Variants in PLEC observed in about 807,000 individuals in gnomAD.
PLEC encodes hemidesmosomal protein 1.
In PLEC, 216 loss-of-function variants were observed where a neutral mutation model predicts 392.8. The ratio of observed to expected loss-of-function variants is 0.55; its 90% confidence interval spans 0.49 to 0.62. PLEC has a LOEUF of 0.62. Ranked by LOEUF, PLEC falls within the 20% of genes least tolerant of loss-of-function variation. The pLI is 0.00. For missense variants in PLEC, 6,863 were observed against 6,563.4 expected (o/e 1.05, Z -1.58); for synonymous variants, 3,621 against 2,980.6 (o/e 1.21, Z -7.00).
chr8:143,924,095 T>C lies in PLEC; in HGVS notation c.5834A>G (p.Glu1945Gly). Reference sequence around the variant, plus strand: ...GCTGCGGATGCGTCCCAGCTCCAGCTCCAGCTCCGCCTTGCCAGCGGCCGC... The same window carrying C: ...GCTGCGGATGCGTCCCAGCTCCAGCCCCAGCTCCGCCTTGCCAGCGGCCGC... The part of the protein sequence containing the change: ...EKAAAGKAEL[E>G]LELGRIRSNA... Residue 1945 changes from glutamate to glycine, a missense_variant, in exon 31 of 32, where the codon GAG becomes GGG. By Grantham distance (98) the Glu-to-Gly change is moderately conservative (BLOSUM62 -2). Transcript: ENST00000345136. 1 of 1,598,496 alleles carries C rather than the reference T, an allele frequency of 6.3e-7. No individual in the cohort carries two copies.
At position 143,925,125 on chromosome 8, in the gene PLEC, C is replaced by G; in HGVS notation, c.4804G>C (p.Ala1602Pro). Reference sequence around the variant, plus strand: ...GCCTCCTCCCGCAGCTGTGCCACAGCCACGTGTTCCTCCTGCAGGGAGCGC... The same window carrying G: ...GCCTCCTCCCGCAGCTGTGCCACAGGCACGTGTTCCTCCTGCAGGGAGCGC... Reference protein sequence around the residue: ...LERSLQEEHVAVAQLREEAER... With the variant: ...LERSLQEEHVPVAQLREEAER... The change falls in exon 31 of 32, where the codon GCT (alanine) becomes CCT (proline). Residue 1602 changes from alanine (A) to proline (P), a missense_variant. Physicochemically the swap from Ala to Pro is conservative, Grantham distance 27. Coordinates refer to ENST00000345136, the MANE Select transcript of PLEC (RefSeq NM_201384.3). The G allele has an allele frequency of 6.4e-7, 1 of 1,558,208 alleles. No individual in the cohort carries two copies.
At chr8:143,953,448 CCCGCCGCCG>C (rs1174485406), upstream of PLEC, among the ~76,000 whole-genome samples, 71 of 151,078 alleles carry the variant, frequency 4.7e-4, no homozygotes, top group African/African-American at 9.3e-4. Flanking sequence ...CTGTCCCCGC[CCCGCCGCCG>C]CCGCCGCCGC....
In PLEC at chr8:143,973,504, A is replaced by C; in HGVS notation, c.-32T>G. On this transcript the variant is annotated 5_prime_UTR_variant, in exon 1 of 32. Coordinates refer to the PLEC transcript ENST00000356346. The surrounding 1 kb of genome is among the most constrained non-coding windows in gnomAD (Gnocchi z 5.6). Reference sequence around the variant, plus strand: ...GGGCGCGGGGCGCGGGGTGCAGCGGAGCCTCCAGCACCCGGCGGCCACTCT... The same window carrying C: ...GGGCGCGGGGCGCGGGGTGCAGCGGCGCCTCCAGCACCCGGCGGCCACTCT... The C allele has an allele frequency of 6.8e-7, 1 of 1,467,376 alleles. No individual in the cohort carries two copies. Among genetic ancestry groups the C allele is most frequent in the Non-Finnish European group, 9.0e-7 (1 of 1,105,624 alleles). 90.9% of individuals were successfully genotyped at this position (1,467,376 alleles called of 1,614,324 possible).
rs960681181 is a variant in PLEC, at chr8:143,918,625, G to A, written c.11196C>T (p.Phe3732=). 10 of 1,612,836 alleles carry A rather than the reference G, an allele frequency of 6.2e-6. No homozygotes were observed. The highest frequency in any genetic ancestry group is 1.6e-4 in the Middle Eastern group (1 of 6,062). The stretch of plus-strand genomic sequence containing the variant: ...GCTCCCCCTTCACCGGGTCCAGCAG[G>A]AAGCCTGTGGCTGCCTGTGCCTCCA... ...LLLEAQAATG[F]LLDPVKGERL... is the part of the protein sequence containing the mutation. Residue 3732 remains phenylalanine (F), a synonymous_variant, in exon 32 of 32, where the codon TTC becomes TTT. Coordinates refer to ENST00000345136, the MANE Select transcript of PLEC (RefSeq NM_201384.3).
At chr8:143,935,730 T>G in intron 6 of PLEC, 118 bp downstream of exon 6, 1 of 1,138,946 alleles carries the variant, frequency 8.8e-7, no homozygotes, top group Non-Finnish European at 1.3e-6. Context: ...GGCGGCCAGC[T>G]GGCACTCATC....
At chr8:143,976,637 C>G (rs1225468249), upstream of PLEC, 5 of 152,430 alleles carry the variant, frequency 3.3e-5, no homozygotes, top group African/African-American at 7.2e-5. Context: ...GAGACCGCCC[C>G]CCGACCCCCA....
rs782333071 is a variant in PLEC at position 143,917,471 on chromosome 8, C to T, written c.12350G>A (p.Cys4117Tyr). The change falls in exon 32 of 32, where the codon TGT becomes TAT. Residue 4117 changes from cysteine (C) to tyrosine (Y), a missense_variant. Transcript: ENST00000345136. ...CTTCTTCTCCTTCAGCGGCAAGAGA[C>T]ACAGGCCCGTCTGGGGGTCAGTGAT... Reference protein sequence around the residue: ...RCITDPQTGLCLLPLKEKKRE... With the variant: ...RCITDPQTGLYLLPLKEKKRE... 3 of 1,613,716 alleles carry T rather than the reference C, an allele frequency of 1.9e-6. No individual in the cohort carries two copies. The highest frequency in any genetic ancestry group is 1.1e-5 in the South Asian group (1 of 91,088).
At chr8:143,925,980 G>C in intron 30 of PLEC, 96 bp from the exon 31 acceptor site, 1 of 1,327,192 alleles carries the variant, frequency 7.5e-7, no homozygotes, top group East Asian at 2.5e-5. Context: ...CTCAGACAGC[G>C]CGGAGCAGGG....
At position 143,920,390 on chromosome 8, in the gene PLEC, A is replaced by G; in HGVS notation, c.9431T>C (p.Val3144Ala). ...LDAQLSTGGI[V>A]DPSKSHRVPL... ...CACGCGGTGGCTCTTGCTGGGGTCC[A>G]CGATGCCGCCCGTGGACAGCTGGGC... The change falls in exon 32 of 32, where the codon GTG (valine) becomes GCG (alanine). Residue 3144 changes from valine (V) to alanine (A), a missense_variant. Physicochemically the swap from Val to Ala is moderately conservative, Grantham distance 64. Coordinates refer to ENST00000345136, the MANE Select transcript of PLEC (RefSeq NM_201384.3). The G allele has an allele frequency of 6.3e-7, 1 of 1,592,190 alleles. No homozygotes were observed. The highest frequency in any genetic ancestry group is 8.5e-7 in the Non-Finnish European group (1 of 1,172,380).
In PLEC at chr8:143,933,049, G is replaced by C; in HGVS notation, c.1481C>G (p.Ala494Gly). ...IRTEYNLRLK[A>G]GVAAPATQVA... Reference sequence around the variant, plus strand: ...CTGGGTTGCAGGGGCCGCCACGCCTGCCTTCAGCCGTAGGTTGTACTCGGT... The same window carrying C: ...CTGGGTTGCAGGGGCCGCCACGCCTCCCTTCAGCCGTAGGTTGTACTCGGT... Residue 494 changes from alanine to glycine, a missense_variant, in exon 14 of 32, where the codon GCA (alanine) becomes GGA (glycine). By Grantham distance (60) the Ala-to-Gly change is moderately conservative. Coordinates refer to ENST00000345136, the MANE Select transcript of PLEC (RefSeq NM_201384.3). 6.3e-7 allele frequency: 1 copy of C among 1,593,422 alleles called. No individual in the cohort carries two copies. Among genetic ancestry groups the C allele is most frequent in the Non-Finnish European group, 8.5e-7 (1 of 1,171,444 alleles).
At position 143,933,436 on chromosome 8, in the gene PLEC, C is replaced by T. The variant is rs1014507082; in HGVS notation, c.1264-85G>A. ...CCCGGCCAAGACGGCCACCCTCAGC[C>T]GCTTCCTCAGCCTCAGTGGGCCACT... On this transcript the variant is annotated intron_variant, in intron 12 of 31. Coordinates refer to ENST00000345136, the MANE Select transcript of PLEC (RefSeq NM_201384.3). 5.7e-5 allele frequency: 88 copies of T among 1,541,390 alleles called. No individual in the cohort carries two copies. In the Admixed American group the frequency reaches 7.0e-4, roughly 12 times the overall value.
At chr8:143,947,907 C>T (rs1831687615) in intron 1 of PLEC, among the ~76,000 whole-genome samples, 1 of 152,238 alleles carries the variant, frequency 6.6e-6, no homozygotes, top group African/African-American at 2.4e-5. Context: ...CCCTCTGTCC[C>T]TCTCTCTGGG....
At chr8:143,958,594 C>A, upstream of PLEC, 1 of 431,484 alleles carries the variant, frequency 2.3e-6, no homozygotes, top group Non-Finnish European at 4.8e-6. This position sits in a 1 kb window ranked among gnomAD's most constrained non-coding sequence, Gnocchi z 4.9. Flanking sequence ...TTGCCCCTCA[C>A]CTCCAAGCAC....
Position 143,938,155 on chromosome 8 carries a change from C to A in PLEC, c.260G>T (p.Ser87Ile). ...AGGGGGCAGGGGCACACGTACCAGGCTGTCCCCCGAGAGGACCTCCAGCAG... is the reference window on the plus strand; with the variant it reads ...AGGGGGCAGGGGCACACGTACCAGGATGTCCCCCGAGAGGACCTCCAGCAG... ...ISLLEVLSGD[S>I]LPREKGRMRF... Residue 87 changes from serine to isoleucine, a missense_variant, in exon 3 of 32, where the codon AGC becomes ATC. Coordinates refer to ENST00000345136, the MANE Select transcript of PLEC (RefSeq NM_201384.3). 1 of 1,603,110 alleles carries A rather than the reference C, an allele frequency of 6.2e-7. No homozygotes were observed. The highest frequency in any genetic ancestry group is 8.5e-7 in the Non-Finnish European group (1 of 1,177,080).
At position 143,939,552 on chromosome 8, in the gene PLEC, C is replaced by T. The variant is rs1462333745; in HGVS notation, c.-91G>A. 1.8e-5 allele frequency: 27 copies of T among 1,534,682 alleles called. No homozygotes were observed. The highest frequency in any genetic ancestry group is 2.7e-5 in the African/African-American group (2 of 72,922). Reference sequence around the variant, plus strand: ...TGGCACACAGGCAGCTGAAGGCTGGCGGCCCCACGAGACGCTCACTCGGCA... The same window carrying T: ...TGGCACACAGGCAGCTGAAGGCTGGTGGCCCCACGAGACGCTCACTCGGCA... On this transcript the variant is annotated 5_prime_UTR_variant, in exon 1 of 32. Transcript: ENST00000345136.
At position 143,969,983 on chromosome 8, in the gene PLEC, C is replaced by T. The variant is rs1587423230; in HGVS notation, c.70+3420G>A. On this transcript the variant is annotated intron_variant, in intron 1 of 31. Transcript: ENST00000356346. The surrounding 1 kb of genome is among the most constrained non-coding windows in gnomAD (Gnocchi z 5.1). The stretch of plus-strand genomic sequence containing the variant: ...GTGTTGGGTCTCCACAGGGCGTGTG[C>T]CCAGCCTGTGGCCTGCACTCTCTTC... 6.6e-6 allele frequency among the ~76,000 whole-genome samples: 1 copy of T among 152,144 alleles called. No homozygotes were observed. The highest frequency in any genetic ancestry group is 1.9e-4 in the East Asian group (1 of 5,166).
chr8:143,975,237 C>G, upstream of PLEC: 1 of 1,606,742 alleles, frequency 6.2e-7, no homozygotes, highest in Non-Finnish European at 8.5e-7. The surrounding 1 kb of genome is among the most constrained non-coding windows in gnomAD (Gnocchi z 9.9). Context: ...CTCCCAGCGC[C>G]ACCCCCGCTG....
At chr8:143,927,158 G>T in intron 28 of PLEC, 77 bp from the exon 29 acceptor site, 1 of 1,562,410 alleles carries the variant, frequency 6.4e-7, no homozygotes, top group Non-Finnish European at 8.8e-7. Context: ...CCTCACATGG[G>T]CTTTCCCTGG....
chr8:143,940,606 C>T (rs1587261618), upstream of PLEC, among the ~76,000 whole-genome samples: 2 of 152,206 alleles, frequency 1.3e-5, no homozygotes, highest in South Asian at 4.1e-4. Context: ...CCAGCCCACC[C>T]GACCACCATA....
Sources: allele counts gnomAD v4.1 joint callset (sites outside exome capture counted in the v4.1 genomes callset), GRCh38; gene constraint gnomAD v4.1.1; non-coding constraint Gnocchi (gnomAD v3.1); transcripts MANE v1.5; gene names NCBI Gene and HGNC (gene_info 2026-07-23, HGNC 2026-07-21).